TNNI3K: variants seen among roughly 807,000 people sequenced by gnomAD.
TNNI3K encodes TNNI3 interacting kinase.
A neutral mutation model predicts 114.5 loss-of-function variants in TNNI3K; 140 were observed. The observed-to-expected ratio is 1.22, with a 90% CI of 1.07 to 1.41. TNNI3K has a LOEUF of 1.41. TNNI3K is among the 40% of genes most tolerant of loss of function. TNNI3K has a pLI of 0.00. For missense variants in TNNI3K, 1,125 were observed against 1,007.6 expected, an observed-to-expected ratio of 1.12 and a Z score of -1.58; for synonymous variants, 347 against 347.5, an observed-to-expected ratio of 1.00 and a Z score of 0.02.
chr1:74,504,087 T>A (rs1669770312), intron 23 of TNNI3K, among the ~76,000 whole-genome samples: 1 of 152,120 alleles, frequency 6.6e-6, no homozygotes, highest in South Asian at 2.1e-4. Flanking sequence ...AGCACTATAG[T>A]GAAATATACA....
chr1:74,236,304 C>T, intron 2 of TNNI3K, 94 bp downstream of exon 2: 1 of 1,086,600 alleles, frequency 9.2e-7, no homozygotes, highest in East Asian at 2.8e-5. Context: ...ACCCGTAGAA[C>T]CTCAGACATA....
At chr1:74,445,466 C>T (rs371378901) in intron 20 of TNNI3K, among the ~76,000 whole-genome samples, 6 of 137,164 alleles carry the variant, frequency 4.4e-5, no homozygotes, top group Admixed American at 3.1e-4. Flanking sequence ...TGAGAATATG[C>T]GGTGTTTGGT....
chr1:74,379,882 G>A (rs1353245481), intron 17 of TNNI3K, among the ~76,000 whole-genome samples: 2 of 152,080 alleles, frequency 1.3e-5, no homozygotes, highest in Non-Finnish European at 2.9e-5. Flanking sequence ...CCCAGGGCCA[G>A]TTAAAATGTT....
At chr1:74,445,645 C>T (rs1455737740) in intron 20 of TNNI3K, among the ~76,000 whole-genome samples, 2 of 138,946 alleles carry the variant, frequency 1.4e-5, no homozygotes, top group Non-Finnish European at 3.0e-5. Context: ...GAGTCTCGCT[C>T]TGTCGCCCAG....
chr1:74,248,046 C>G (rs565671616), intron 2 of TNNI3K, among the ~76,000 whole-genome samples: 101 of 152,248 alleles, frequency 6.6e-4, no homozygotes, highest in Non-Finnish European at 1.2e-3. Context: ...GTCCTGAGCC[C>G]TGCCCCATGG....
At chr1:74,418,108 G>C in intron 17 of TNNI3K, 4 of 437,564 alleles carry the variant, frequency 9.1e-6, no homozygotes, top group South Asian at 6.5e-5. Flanking sequence ...CATGTTATAT[G>C]GGACTGTGGG....
At chr1:74,317,907 CAT>C (rs1172865810) in intron 5 of TNNI3K, among the ~76,000 whole-genome samples, 1 of 152,188 alleles carries the variant, frequency 6.6e-6, no homozygotes, top group Non-Finnish European at 1.5e-5. Flanking sequence ...GAACCCCCTG[CAT>C]ATCTCTGCTG....
At chr1:74,347,283 G>A (rs1226082292) in intron 9 of TNNI3K, among the ~76,000 whole-genome samples, 2 of 151,332 alleles carry the variant, frequency 1.3e-5, no homozygotes, top group African/African-American at 2.4e-5. Flanking sequence ...ACTTTGCTGA[G>A]AATGATGGTT....
At chr1:74,509,964 G>T (rs1227583495) in intron 23 of TNNI3K, among the ~76,000 whole-genome samples, 1 of 151,864 alleles carries the variant, frequency 6.6e-6, no homozygotes, top group Non-Finnish European at 1.5e-5. Context: ...AAGTCACCCA[G>T]GCTGGTCTTG....
At chr1:74,269,231 T>A (rs1303495933) in intron 4 of TNNI3K, among the ~76,000 whole-genome samples, 2 of 151,916 alleles carry the variant, frequency 1.3e-5, no homozygotes, top group African/African-American at 4.8e-5. Context: ...TACTTTAAGC[T>A]ACTGTATAGC....
chr1:74,241,373 T>C (rs986355525), intron 2 of TNNI3K, among the ~76,000 whole-genome samples: 2 of 152,258 alleles, frequency 1.3e-5, no homozygotes, highest in African/African-American at 2.4e-5. Flanking sequence ...CCACAATGGT[T>C]GAACTAGTTT....
chr1:74,369,321 C>T (rs1662464027), intron 15 of TNNI3K, 57 bp downstream of exon 15: 2 of 1,606,080 alleles, frequency 1.2e-6, no homozygotes, highest in Non-Finnish European at 1.7e-6. Flanking sequence ...CTTTGAGAAG[C>T]ATGTGCATGG....
intron 9 of TNNI3K, among the ~76,000 whole-genome samples, chr1:74,348,833 T>C (rs900135969): frequency 6.6e-6 from 1 of 152,210 alleles, no homozygotes; most frequent in Non-Finnish European, 1.5e-5. Context: ...TTGTGATTTT[T>C]GCACATTGAT....
At chr1:74,277,730 G>C (rs1028934941) in intron 5 of TNNI3K, among the ~76,000 whole-genome samples, 1 of 152,184 alleles carries the variant, frequency 6.6e-6, no homozygotes, top group African/African-American at 2.4e-5. Flanking sequence ...GAACAGAAAG[G>C]CATGCAGCAA....
At chr1:74,512,401 T>G (rs972757225) in intron 23 of TNNI3K, 1 of 152,196 alleles carries the variant, frequency 6.6e-6, no homozygotes, top group Non-Finnish European at 1.5e-5. Context: ...ATTCCTGTAC[T>G]GATGACATCA....
intron 5 of TNNI3K, among the ~76,000 whole-genome samples, chr1:74,286,318 C>T (rs916709225): frequency 7.2e-5 from 11 of 152,058 alleles, no homozygotes; most frequent in Non-Finnish European, 1.5e-4. Context: ...AGGCCCATGT[C>T]GCTGCCAAAC....
chr1:74,237,010 G>C (rs914166169), intron 2 of TNNI3K, among the ~76,000 whole-genome samples: 3 of 151,826 alleles, frequency 2.0e-5, no homozygotes, highest in Admixed American at 6.6e-5. Context: ...ATTTTACTTA[G>C]AAAACAAGTG....
intron 17 of TNNI3K, chr1:74,373,767 T>C (rs1398280058): frequency 6.6e-6 from 1 of 151,796 alleles, no homozygotes; most frequent in Non-Finnish European, 1.5e-5. Flanking sequence ...CACTTTTATA[T>C]TTGAGTTTGT....
intron 17 of TNNI3K, among the ~76,000 whole-genome samples, chr1:74,425,683 C>T (rs1311044144): frequency 6.6e-6 from 1 of 152,058 alleles, no homozygotes; most frequent in East Asian, 1.9e-4. Flanking sequence ...CTATGAAAGC[C>T]GGGATGAGAA....
Sources: gnomAD v4.1 joint callset for allele counts (sites outside exome capture counted in the v4.1 genomes callset) on GRCh38, gnomAD v4.1.1 for gene constraint, MANE v1.5 for transcripts, NCBI Gene and HGNC (gene_info 2026-07-23, HGNC 2026-07-21) for gene names.